Variants in RYR3 observed in about 807,000 individuals in gnomAD.
The protein encoded by RYR3 is brain ryanodine receptor-calcium release channel.
In RYR3, 207 loss-of-function variants were observed where a neutral mutation model predicts 584.3. The observed-to-expected ratio is 0.35, with a 90% CI of 0.32 to 0.40. The LOEUF is 0.40. RYR3 is among the 10% of genes least tolerant of loss of function. The pLI is 1.00. For missense variants in RYR3, 5,616 were observed against 6,089.2 expected (o/e 0.92, Z 2.59); for synonymous variants, 2,416 against 2,248.5 (o/e 1.07, Z -2.11).
chr15:33,345,491 C>T (rs983889266), intron 1 of RYR3, among the ~76,000 whole-genome samples: 1 of 152,098 alleles, frequency 6.6e-6, no homozygotes, highest in African/African-American at 2.4e-5. Flanking sequence ...GGCCCATGTT[C>T]CTGGAAAAGC....
At chr15:33,771,394 C>T (rs991653700) in intron 62 of RYR3, among the ~76,000 whole-genome samples, 13 of 151,944 alleles carry the variant, frequency 8.6e-5, no homozygotes, top group African/African-American at 2.7e-4. Flanking sequence ...ATTAGCTGGG[C>T]GTGGTGGCGG....
chr15:33,613,677 C>T (rs558488962), intron 19 of RYR3, among the ~76,000 whole-genome samples: 1 of 152,308 alleles, frequency 6.6e-6, no homozygotes, highest in African/African-American at 2.4e-5. Context: ...ACTTCAAAGA[C>T]AATAGTTATG....
intron 10 of RYR3, among the ~76,000 whole-genome samples, chr15:33,560,473 T>G (rs2057342438): frequency 6.6e-6 from 1 of 151,794 alleles, no homozygotes. Context: ...CAAAGCCATG[T>G]TTAAATAAGT....
At chr15:33,857,125 C>A (rs559111363) in intron 98 of RYR3, among the ~76,000 whole-genome samples, 2 of 152,224 alleles carry the variant, frequency 1.3e-5, no homozygotes, top group East Asian at 3.9e-4. Context: ...AATCTAATGC[C>A]CTATACATTA....
At chr15:33,600,621 TG>T (rs2059611986) in intron 16 of RYR3, among the ~76,000 whole-genome samples, 1 of 152,082 alleles carries the variant, frequency 6.6e-6, no homozygotes, top group South Asian at 2.1e-4. Context: ...CTTAGATTCA[TG>T]GGCCACCTGG....
chr15:33,707,173 C>A lies in RYR3; in HGVS notation c.6619+119C>A, dbSNP rs562727759. ...CTGAAAATAGGGGGTTGGTGGCTGG[C>A]AAGAGAAATCTTAGGGAGAATCACA... is the stretch of plus-strand genomic sequence containing the variant. On this transcript the variant is annotated intron_variant, in intron 43 of 103. Transcript: ENST00000634891. The A allele has an allele frequency of 2.2e-5, 25 of 1,159,990 alleles. No individual in the cohort carries two copies. The East Asian group carries it at 5.5e-4, about 25-fold the overall frequency. 71.9% of individuals were successfully genotyped at this position (1,159,990 alleles called of 1,614,324 possible).
intron 60 of RYR3, among the ~76,000 whole-genome samples, chr15:33,765,254 G>A (rs907563711): frequency 6.6e-6 from 1 of 152,068 alleles, no homozygotes; most frequent in African/African-American, 2.4e-5. Flanking sequence ...GGATTCTACT[G>A]TGCCTCAGGT....
At chr15:33,611,140 T>G (rs1231549906) in intron 18 of RYR3, among the ~76,000 whole-genome samples, 1 of 152,206 alleles carries the variant, frequency 6.6e-6, no homozygotes, top group Non-Finnish European at 1.5e-5. Context: ...TACCTTTTCA[T>G]AGCATATTAT....
intron 38 of RYR3, among the ~76,000 whole-genome samples, chr15:33,680,533 A>G (rs548695668): frequency 1.3e-5 from 2 of 152,176 alleles, no homozygotes; most frequent in Non-Finnish European, 2.9e-5. Flanking sequence ...CCAAGGGAAA[A>G]GTGAGAAAGT....
chr15:33,489,928 C>T (rs2050827176), intron 2 of RYR3, among the ~76,000 whole-genome samples: 1 of 98,596 alleles, frequency 1.0e-5, no homozygotes, highest in Admixed American at 1.0e-4. Flanking sequence ...CTCATTTGCC[C>T]ATTCATTCCT....
intron 38 of RYR3, among the ~76,000 whole-genome samples, chr15:33,671,599 G>A (rs1422382302): frequency 6.6e-6 from 1 of 152,056 alleles, no homozygotes; most frequent in African/African-American, 2.4e-5. Flanking sequence ...CCTTGATAGG[G>A]TAGTTCCATC....
chr15:33,634,478 C>T, intron 24 of RYR3, 108 bp from the exon 25 acceptor site: 1 of 1,094,176 alleles, frequency 9.1e-7, no homozygotes. Flanking sequence ...GGCTAATAGA[C>T]CTAGAGCGAC....
chr15:33,651,844 G>A (rs12911078), intron 31 of RYR3, among the ~76,000 whole-genome samples: 5,002 of 152,212 alleles, frequency 0.033, 117 homozygotes, highest in Non-Finnish European at 0.048. Context: ...AAGGGACCAG[G>A]TGCCTGAGCT....
intron 85 of RYR3, among the ~76,000 whole-genome samples, chr15:33,829,343 A>C (rs1181768060): frequency 1.3e-5 from 2 of 152,160 alleles, no homozygotes; most frequent in Non-Finnish European, 2.9e-5. Flanking sequence ...TTATTTTTTA[A>C]GAAATGCATT....
At chr15:33,541,538 G>T (rs1225360542) in intron 7 of RYR3, among the ~76,000 whole-genome samples, 1 of 152,138 alleles carries the variant, frequency 6.6e-6, no homozygotes, top group East Asian at 1.9e-4. Context: ...CAGCTGAGAA[G>T]AATAATCAAA....
intron 99 of RYR3, among the ~76,000 whole-genome samples, chr15:33,859,322 CACCTTTAA>C (rs1034589626): frequency 1.3e-5 from 2 of 152,246 alleles, no homozygotes; most frequent in African/African-American, 4.8e-5. Flanking sequence ...AACTTATATA[CACCTTTAA>C]TGGGCCTAAA....
chr15:33,794,823 T>C (rs186290438), intron 67 of RYR3, among the ~76,000 whole-genome samples: 1 of 152,298 alleles, frequency 6.6e-6, no homozygotes, highest in Admixed American at 6.5e-5. Flanking sequence ...TATGGAATTG[T>C]GGCCTTGGCA....
intron 47 of RYR3, among the ~76,000 whole-genome samples, chr15:33,730,894 C>G (rs775091807): frequency 1.6e-4 from 24 of 152,334 alleles, no homozygotes; most frequent in Non-Finnish European, 3.2e-4. Flanking sequence ...GGGGTCTACT[C>G]TAATGTCAGT....
At chr15:33,864,592 G>C (rs1416334992) in intron 103 of RYR3, among the ~76,000 whole-genome samples, 1 of 151,378 alleles carries the variant, frequency 6.6e-6, no homozygotes, top group African/African-American at 2.4e-5. Context: ...CTGGAGGTGT[G>C]CATGTGAGAG....
Sources: gnomAD v4.1 joint callset for allele counts (sites outside exome capture counted in the v4.1 genomes callset) on GRCh38, gnomAD v4.1.1 for gene constraint, MANE v1.5 for transcripts, NCBI Gene and HGNC (gene_info 2026-07-23, HGNC 2026-07-21) for gene names.